SH3RF1: variants seen among roughly 807,000 people sequenced by gnomAD.
SH3RF1 encodes E3 ubiquitin-protein ligase SH3RF1.
In SH3RF1, 32 loss-of-function variants were observed where a neutral mutation model predicts 74.0. That is an observed-to-expected ratio of 0.43 (90% CI 0.33 to 0.58). The LOEUF (loss-of-function observed/expected upper bound fraction) is 0.58, where lower values mean the gene tolerates loss of function less well. SH3RF1 is among the 20% of genes least tolerant of loss of function. The pLI, the probability that SH3RF1 is intolerant of heterozygous loss-of-function variation, is 0.05. For synonymous variants in SH3RF1, 396 were observed against 439.6 expected, an observed-to-expected ratio of 0.90 and a Z score of 1.24; for missense variants, 954 against 1,130.9, an observed-to-expected ratio of 0.84 and a Z score of 2.24.
At chr4:169,125,064 A>C (rs113297251) in intron 6 of SH3RF1, among the ~76,000 whole-genome samples, 17 of 152,300 alleles carry the variant, frequency 1.1e-4, no homozygotes, top group African/African-American at 3.4e-4. Context: ...TATTCTGCTC[A>C]CCAAAACTAG....
chr4:169,102,307 C>G (rs887093104), intron 11 of SH3RF1, among the ~76,000 whole-genome samples: 1 of 152,184 alleles, frequency 6.6e-6, no homozygotes, highest in Non-Finnish European at 1.5e-5. Context: ...GCTGGTTAAG[C>G]CCAGCTGCCT....
At chr4:169,147,870 T>C (rs569265840) in intron 4 of SH3RF1, among the ~76,000 whole-genome samples, 58 of 152,332 alleles carry the variant, frequency 3.8e-4, no homozygotes, top group African/African-American at 1.3e-3. Flanking sequence ...AACATTTGAT[T>C]AATTAAAATG....
chr4:169,106,857 C>G lies in SH3RF1; in HGVS notation c.2488G>C (p.Val830Leu). ...GPVLNESRPVVCERHRVVVSY... is the reference protein window; with the variant it reads ...GPVLNESRPVLCERHRVVVSY... ...CGAAGTTGAACTTACCTTTCACAAACGACAGGTCTAGACTCATTCAAGACA... is the reference window on the plus strand; with the variant it reads ...CGAAGTTGAACTTACCTTTCACAAAGGACAGGTCTAGACTCATTCAAGACA... The change falls in exon 11 of 12, where the codon GTT (valine) becomes CTT (leucine). Residue 830 changes from valine to leucine, a missense_variant. Val to Leu is a conservative substitution (Grantham distance 32). This residue lies in a region of SH3RF1 where 854 missense variants were observed against 962.5 expected (regional missense o/e 0.89). Transcript: ENST00000284637. The G allele has an allele frequency of 6.4e-7, 1 of 1,554,760 alleles. No homozygotes were observed. Among genetic ancestry groups the G allele is most frequent in the Non-Finnish European group, 8.7e-7 (1 of 1,149,486 alleles).
intron 2 of SH3RF1, among the ~76,000 whole-genome samples, chr4:169,265,938 T>C (rs974590460): frequency 1.3e-5 from 2 of 152,228 alleles, no homozygotes; most frequent in Admixed American, 6.5e-5. Context: ...CCTTATCTAA[T>C]TTATATATAT....
At chr4:169,204,707 C>T (rs112631874) in intron 2 of SH3RF1, among the ~76,000 whole-genome samples, 3,694 of 152,064 alleles carry the variant, frequency 0.024, 67 homozygotes, top group Non-Finnish European at 0.041. Context: ...TGCACTACCA[C>T]GCCCGGCTAA....
chr4:169,126,125 G>A (rs1733519644), intron 6 of SH3RF1, among the ~76,000 whole-genome samples: 1 of 152,222 alleles, frequency 6.6e-6, no homozygotes, highest in Non-Finnish European at 1.5e-5. Context: ...AGAAGCTATT[G>A]TTATGATTAA....
At chr4:169,263,404 A>G (rs1358287752) in intron 2 of SH3RF1, among the ~76,000 whole-genome samples, 1 of 152,244 alleles carries the variant, frequency 6.6e-6, no homozygotes, top group African/African-American at 2.4e-5. Flanking sequence ...ACATGCATTA[A>G]TGTCATCTTT....
At position 169,133,586 on chromosome 4, in the gene SH3RF1, T is replaced by C. The variant is rs533752348; in HGVS notation, c.1068+2732A>G. 3.0e-3 allele frequency among the ~76,000 whole-genome samples: 459 copies of C among 152,110 alleles called. 1 individual carries two copies. Among genetic ancestry groups the C allele is most frequent in the African/African-American group, 0.01 (431 of 41,466 alleles). The stretch of plus-strand genomic sequence containing the variant: ...TGAGGTCAGGAGTTCGAGACCAGCC[T>C]GGCCAACATGGTGAAACCCCATCTC... On this transcript the variant is annotated intron_variant, in intron 5 of 11. Transcript: ENST00000284637.
At chr4:169,219,711 C>CTCAAAGAACTCAAACTCAA (rs1397171600) in intron 2 of SH3RF1, among the ~76,000 whole-genome samples, 1 of 152,198 alleles carries the variant, frequency 6.6e-6, no homozygotes, top group Non-Finnish European at 1.5e-5. Context: ...AACTCAAGAA[C>CTCAAAGAACTCAAACTCAA]TGTATTCATG....
chr4:169,147,950 TTAAA>T (rs1733920052), intron 4 of SH3RF1, among the ~76,000 whole-genome samples: 1 of 151,944 alleles, frequency 6.6e-6, no homozygotes, highest in South Asian at 2.1e-4. Context: ...AATAAAATAT[TTAAA>T]TAATAAAAAT....
intron 2 of SH3RF1, chr4:169,217,486 T>C (rs1730486668): frequency 6.6e-6 from 1 of 152,236 alleles, no homozygotes; most frequent in Non-Finnish European, 1.5e-5. Flanking sequence ...GAAAGTCAGT[T>C]GGCAAAAGGG....
intron 2 of SH3RF1, among the ~76,000 whole-genome samples, chr4:169,195,018 T>A (rs1285505914): frequency 6.6e-6 from 1 of 152,238 alleles, no homozygotes; most frequent in Non-Finnish European, 1.5e-5. Flanking sequence ...CACAGTCACA[T>A]TTATAGTTGC....
intron 6 of SH3RF1, among the ~76,000 whole-genome samples, chr4:169,127,640 T>C (rs1354664712): frequency 3.9e-5 from 6 of 152,364 alleles, no homozygotes. Context: ...TTAATCAACC[T>C]TCCTCTTGCT....
chr4:169,132,889 C>G (rs192420361), intron 5 of SH3RF1, among the ~76,000 whole-genome samples: 12 of 152,318 alleles, frequency 7.9e-5, no homozygotes, highest in African/African-American at 2.9e-4. Flanking sequence ...ATGTCACAGT[C>G]ACAGACACTC....
intron 2 of SH3RF1, among the ~76,000 whole-genome samples, chr4:169,223,740 C>T (rs774681830): frequency 1.2e-4 from 18 of 151,888 alleles, no homozygotes; most frequent in Non-Finnish European, 2.2e-4. Context: ...TTGTGATAAG[C>T]GCAAATAAAA....
At chr4:169,189,522 C>T (rs1048142078) in intron 2 of SH3RF1, among the ~76,000 whole-genome samples, 1 of 152,298 alleles carries the variant, frequency 6.6e-6, no homozygotes, top group East Asian at 1.9e-4. Context: ...TGTTGCTTTC[C>T]TCTCCCCAGG....
intron 2 of SH3RF1, among the ~76,000 whole-genome samples, chr4:169,212,591 T>C (rs758021722): frequency 6.6e-5 from 10 of 152,124 alleles, no homozygotes; most frequent in Non-Finnish European, 1.3e-4. Flanking sequence ...GAGCAGGAAG[T>C]ACAGAGAGTT....
chr4:169,135,746 A>G (rs1162773930), intron 5 of SH3RF1, among the ~76,000 whole-genome samples: 1 of 152,188 alleles, frequency 6.6e-6, no homozygotes, highest in Non-Finnish European at 1.5e-5. Context: ...TAAACCTAAG[A>G]ATAACGCGTG....
chr4:169,108,975 A>G (rs1387166983), intron 10 of SH3RF1, among the ~76,000 whole-genome samples: 1 of 152,256 alleles, frequency 6.6e-6, no homozygotes, highest in African/African-American at 2.4e-5. Flanking sequence ...GAGGCAATAA[A>G]GCCTTTCAAT....
Sources: allele counts gnomAD v4.1 joint callset (sites outside exome capture counted in the v4.1 genomes callset), GRCh38; gene constraint gnomAD v4.1.1; regional missense constraint gnomAD v4.1.1; transcripts MANE v1.5; gene names NCBI Gene and HGNC (gene_info 2026-07-23, HGNC 2026-07-21).